ATPSCKMT: variants seen among roughly 807,000 people sequenced by gnomAD.
ATPSCKMT encodes ATP synthase subunit C lysine N-methyltransferase.
ATPSCKMT carries 24 observed loss-of-function variants against 24.3 expected under a neutral mutation model. The observed-to-expected ratio is 0.99, with a 90% CI of 0.71 to 1.39. ATPSCKMT has a LOEUF of 1.39. Among genes scored for constraint, ATPSCKMT ranks in the 40% most tolerant of loss-of-function variants. The probability of loss-of-function intolerance (pLI) is 0.00; values close to 1 mark genes in which losing one functional copy is unlikely to be tolerated. For missense variants in ATPSCKMT, 311 were observed against 298.4 expected (o/e 1.04, Z -0.31); for synonymous variants, 95 against 110.5 (o/e 0.86, Z 0.88).
At chr5:10,241,802 G>A (rs1436409359) in intron 1 of ATPSCKMT, among the ~76,000 whole-genome samples, 1 of 152,156 alleles carries the variant, frequency 6.6e-6, no homozygotes, top group African/African-American at 2.4e-5. Context: ...AATAAAGCAA[G>A]TTACACAAAT....
At chr5:10,246,845 T>C (rs1744955097) in intron 1 of ATPSCKMT, among the ~76,000 whole-genome samples, 1 of 152,038 alleles carries the variant, frequency 6.6e-6, no homozygotes, top group South Asian at 2.1e-4. Context: ...TTGTGAGAAA[T>C]GCTATAACAC....
At chr5:10,239,480 A>C in intron 1 of ATPSCKMT, 124 bp from the exon 2 acceptor site, 1 of 814,024 alleles carries the variant, frequency 1.2e-6, no homozygotes, top group Non-Finnish European at 1.9e-6. Context: ...TTAGCTGAAT[A>C]CAAGCTAAAT....
At position 10,227,648 on chromosome 5, in the gene ATPSCKMT, C is replaced by G; in HGVS notation, c.496-1G>C. The G allele has an allele frequency of 6.2e-7, 1 of 1,613,842 alleles. No individual in the cohort carries two copies. Reference sequence around the variant, plus strand: ...CAAGTTTCTTCTCCAACTGCAGCATCTGTGGAGAGTAACAGCTATTATTTT... The same window carrying G: ...CAAGTTTCTTCTCCAACTGCAGCATGTGTGGAGAGTAACAGCTATTATTTT... On this transcript the variant is annotated splice_acceptor_variant, in intron 4 of 4. Coordinates refer to ENST00000511437, the MANE Select transcript of ATPSCKMT (RefSeq NM_199133.4). LOFTEE classifies it high-confidence loss of function.
chr5:10,231,149 C>T (rs1346065479), intron 4 of ATPSCKMT, among the ~76,000 whole-genome samples: 1 of 152,062 alleles, frequency 6.6e-6, no homozygotes, highest in East Asian at 1.9e-4. Context: ...AGGTGCTAGA[C>T]ACAAGCTTCC....
At position 10,230,566 on chromosome 5, in the gene ATPSCKMT, C is replaced by T. The variant is rs6881809; in HGVS notation, c.496-2919G>A. On this transcript the variant is annotated intron_variant, in intron 4 of 4. Transcript: ENST00000511437. Reference sequence around the variant, plus strand: ...AATGAATCTGGTGCTTGATATCATACGCAAAGAGAAGCCGTGATGTGTCAT... The same window carrying T: ...AATGAATCTGGTGCTTGATATCATATGCAAAGAGAAGCCGTGATGTGTCAT... Among the ~76,000 whole-genome samples, 1,261 of 152,252 alleles carry T rather than the reference C, an allele frequency of 8.3e-3. 13 individuals carry two copies. The highest frequency in any genetic ancestry group is 0.028 in the African/African-American group (1,183 of 41,538).
chr5:10,242,068 C>G (rs1055159970), intron 1 of ATPSCKMT, among the ~76,000 whole-genome samples: 1 of 152,122 alleles, frequency 6.6e-6, no homozygotes, highest in African/African-American at 2.4e-5. Context: ...CTGGCCTTGA[C>G]GTTAATGGTT....
At chr5:10,237,220 T>C (rs1744416592) in intron 2 of ATPSCKMT, among the ~76,000 whole-genome samples, 1 of 152,212 alleles carries the variant, frequency 6.6e-6, no homozygotes, top group African/African-American at 2.4e-5. Flanking sequence ...CTCTGCCTGT[T>C]CTGTCCTGCC....
intron 1 of ATPSCKMT, among the ~76,000 whole-genome samples, chr5:10,240,203 C>T (rs1561032119): frequency 6.7e-6 from 1 of 150,300 alleles, no homozygotes; most frequent in Admixed American, 6.6e-5. Context: ...CACTGCACTC[C>T]AGCCGGGGTG....
At chr5:10,228,185 A>G (rs552832303) in intron 4 of ATPSCKMT, among the ~76,000 whole-genome samples, 1 of 152,318 alleles carries the variant, frequency 6.6e-6, no homozygotes, top group South Asian at 2.1e-4. Flanking sequence ...ATCAGGACAC[A>G]TCACACAACA....
intron 1 of ATPSCKMT, 186 bp downstream of exon 1, chr5:10,249,644 GGAAACGCGCCCGCCGACAAGGATCGCCA>G: frequency 2.8e-6 from 2 of 722,008 alleles, no homozygotes; most frequent in East Asian, 5.8e-5. Flanking sequence ...CAGTCTCTGG[GGAAACGCGCCCGCCGACAAGGATCGCCA>G]GAACCGGCGC....
At chr5:10,245,249 T>C (rs1328969777) in intron 1 of ATPSCKMT, among the ~76,000 whole-genome samples, 1 of 151,118 alleles carries the variant, frequency 6.6e-6, no homozygotes, top group Non-Finnish European at 1.5e-5. Flanking sequence ...TGAAACCCTG[T>C]CTCTACTAAA....
At chr5:10,249,539 C>G (rs1375671471) in intron 1 of ATPSCKMT, 2 of 363,294 alleles carry the variant, frequency 5.5e-6, no homozygotes, top group African/African-American at 4.2e-5. Context: ...GGAAGAGCGG[C>G]AGAACTGCGA....
At chr5:10,249,620 TA>T in intron 1 of ATPSCKMT, 1 of 540,124 alleles carries the variant, frequency 1.9e-6, no homozygotes, top group Non-Finnish European at 3.1e-6. Flanking sequence ...TCACTTGCAC[TA>T]AGTAGCCTAG....
chr5:10,234,097 G>A (rs1002412325), intron 4 of ATPSCKMT, among the ~76,000 whole-genome samples: 2 of 152,210 alleles, frequency 1.3e-5, no homozygotes, highest in African/African-American at 4.8e-5. Flanking sequence ...GGAGGCCGAA[G>A]CAGGCAAATC....
At chr5:10,248,965 A>G (rs1745120619) in intron 1 of ATPSCKMT, among the ~76,000 whole-genome samples, 1 of 152,180 alleles carries the variant, frequency 6.6e-6, no homozygotes. Context: ...CTGAGGCAGC[A>G]TAATACAGGG....
At chr5:10,240,040 C>T (rs530896390) in intron 1 of ATPSCKMT, among the ~76,000 whole-genome samples, 40 of 149,258 alleles carry the variant, frequency 2.7e-4, no homozygotes, top group Non-Finnish European at 5.6e-4. Flanking sequence ...TCCTGGCTAA[C>T]ATGGTGAAAC....
rs13175950 is a variant in ATPSCKMT at position 10,225,828 on chromosome 5, C to A, written c.*1613G>T. ...AATGTTGAACACCTCCGAGGCCCCA[C>A]AGAACCCTCCTCTACCCACATCTTC... is the stretch of plus-strand genomic sequence containing the variant. On this transcript the variant is annotated 3_prime_UTR_variant, in exon 5 of 5. Coordinates refer to ENST00000511437, the MANE Select transcript of ATPSCKMT (RefSeq NM_199133.4). Among the ~76,000 whole-genome samples the A allele has an allele frequency of 0.43, 65,801 of 151,912 alleles. 15,165 individuals carry two copies. The highest frequency in any genetic ancestry group is 0.51 in the Non-Finnish European group (34,649 of 67,938).
chr5:10,244,389 T>G (rs1411140102), intron 1 of ATPSCKMT: 1 of 152,200 alleles, frequency 6.6e-6, no homozygotes. Flanking sequence ...ATAAACCTTC[T>G]GTTTGTAAGA....
At chr5:10,234,373 A>T (rs922458322) in intron 4 of ATPSCKMT, among the ~76,000 whole-genome samples, 3 of 152,244 alleles carry the variant, frequency 2.0e-5, no homozygotes, top group African/African-American at 7.2e-5. Flanking sequence ...ATTATATTTT[A>T]AAAGTAAAGA....
Sources: allele counts gnomAD v4.1 joint callset (sites outside exome capture counted in the v4.1 genomes callset), GRCh38; gene constraint gnomAD v4.1.1; transcripts MANE v1.5; gene names NCBI Gene and HGNC (gene_info 2026-07-23, HGNC 2026-07-21).